The following ADAMTS3 variants were observed in gnomAD, a reference collection of about 807,000 sequenced individuals.
ADAMTS3 encodes the protein ADAM metallopeptidase with thrombospondin type 1 motif 3, also known as A disintegrin and metalloproteinase with thrombospondin motifs 3.
In ADAMTS3, 73 loss-of-function variants were observed where a neutral mutation model predicts 129.0. The observed-to-expected ratio is 0.57, with a 90% confidence interval of 0.47 to 0.69. The LOEUF (loss-of-function observed/expected upper bound fraction) is 0.69. ADAMTS3 is among the 30% of genes least tolerant of loss of function. The pLI, the probability that ADAMTS3 is intolerant of heterozygous loss-of-function variation, is 0.00. For missense variants in ADAMTS3, 1,457 were observed against 1,514.5 expected (o/e 0.96, Z 0.63); for synonymous variants, 477 against 510.8 (o/e 0.93, Z 0.89).
intron 4 of ADAMTS3, among the ~76,000 whole-genome samples, chr4:72,370,397 C>G (rs1482341392): frequency 1.4e-5 from 1 of 71,964 alleles, no homozygotes; most frequent in South Asian, 3.2e-4. Flanking sequence ...TTGCTTATTA[C>G]ATTAATCTGC....
At chr4:72,383,593 C>T (rs974895126) in intron 4 of ADAMTS3, among the ~76,000 whole-genome samples, 2 of 152,102 alleles carry the variant, frequency 1.3e-5, no homozygotes, top group African/African-American at 2.4e-5. Flanking sequence ...TATATGTGTT[C>T]GAGGCGGACT....
At position 72,567,380 on chromosome 4, in the gene ADAMTS3, G is replaced by C; in HGVS notation, c.91C>G (p.Gln31Glu). 6.2e-7 allele frequency: 1 copy of C among 1,612,054 alleles called. No individual in the cohort carries two copies. The highest frequency in any genetic ancestry group is 8.5e-7 in the Non-Finnish European group (1 of 1,179,366). The change falls in exon 2 of 22, where the codon CAA (glutamine) becomes GAA (glutamate). Residue 31 changes from glutamine (Q) to glutamate (E), a missense_variant. Transcript: ENST00000286657. ...ATCTGAGAACAAAGCTTACCTATTT[G>C]CACCATTTCTTCATTACCAGCCTGG... is the stretch of plus-strand genomic sequence containing the variant. ...DGQAGNEEMV[Q>E]IDLPIKRYRE...
At chr4:72,485,785 T>C (rs1719574977) in intron 3 of ADAMTS3, among the ~76,000 whole-genome samples, 1 of 152,120 alleles carries the variant, frequency 6.6e-6, no homozygotes, top group South Asian at 2.1e-4. Context: ...GTAATGAAAT[T>C]AAGAGGGGGG....
chr4:72,544,076 T>C (rs1721405298), intron 3 of ADAMTS3, among the ~76,000 whole-genome samples: 1 of 152,102 alleles, frequency 6.6e-6, no homozygotes, highest in African/African-American at 2.4e-5. Context: ...TTATGGAAGA[T>C]CTGAATCTGT....
chr4:72,410,933 G>T (rs926649714), intron 4 of ADAMTS3, among the ~76,000 whole-genome samples: 1 of 152,056 alleles, frequency 6.6e-6, no homozygotes, highest in African/African-American at 2.4e-5. Flanking sequence ...TGAAAAGGAT[G>T]CTATTCGTTT....
chr4:72,382,307 C>T (rs2109880739), intron 4 of ADAMTS3, among the ~76,000 whole-genome samples: 1 of 151,864 alleles, frequency 6.6e-6, no homozygotes, highest in East Asian at 1.9e-4. Context: ...CTAATGACTA[C>T]ATAGTAGTCA....
chr4:72,347,962 A>C (rs1389172485), intron 4 of ADAMTS3, among the ~76,000 whole-genome samples: 1 of 152,096 alleles, frequency 6.6e-6, no homozygotes, highest in Admixed American at 6.6e-5. Flanking sequence ...TCTTCACCTC[A>C]AACTTCTCCA....
At chr4:72,298,093 T>C (rs969296150) in intron 18 of ADAMTS3, 184 bp downstream of exon 18, 1 of 522,630 alleles carries the variant, frequency 1.9e-6, no homozygotes, top group Non-Finnish European at 3.4e-6. Flanking sequence ...GTCACTGTTA[T>C]GAAAGGAATC....
intron 3 of ADAMTS3, among the ~76,000 whole-genome samples, chr4:72,481,300 T>G (rs531642389): frequency 3.5e-4 from 54 of 152,152 alleles, no homozygotes; most frequent in Non-Finnish European, 7.5e-4. Context: ...ATTTCAAGAC[T>G]TTTACAGCTA....
chr4:72,325,196 A>G (rs890479856), intron 5 of ADAMTS3, among the ~76,000 whole-genome samples: 1 of 152,136 alleles, frequency 6.6e-6, no homozygotes, highest in Non-Finnish European at 1.5e-5. Flanking sequence ...ATAAAACTTA[A>G]AACCATTCAC....
intron 2 of ADAMTS3, among the ~76,000 whole-genome samples, chr4:72,557,582 C>A (rs1307493304): frequency 6.6e-6 from 1 of 151,310 alleles, no homozygotes; most frequent in Admixed American, 6.6e-5. Context: ...CTTTTTTATT[C>A]ATTATTAAGA....
intron 3 of ADAMTS3, among the ~76,000 whole-genome samples, chr4:72,430,437 A>T (rs148332435): frequency 5.3e-5 from 8 of 151,810 alleles, no homozygotes; most frequent in African/African-American, 1.7e-4. Context: ...CTTAGAATCA[A>T]CTCAGCCCAG....
At position 72,283,037 on chromosome 4, in the gene ADAMTS3, G is replaced by A. The variant is rs553986691; in HGVS notation, c.*99C>T. 6 of 1,025,858 alleles carry A rather than the reference G, an allele frequency of 5.8e-6. No individual in the cohort carries two copies. In the African/African-American group the frequency reaches 6.4e-5, roughly 11 times the overall value. 63.5% of individuals were successfully genotyped at this position (1,025,858 alleles called of 1,614,324 possible). A position where few individuals can be genotyped will look rare whatever the true frequency, so the allele number is the denominator to read the frequency against. ...CCAATTACAGATAAAATGAGCTGAC[G>A]ATCTATAGAGATTTCCACTTTAAAC... On this transcript the variant is annotated 3_prime_UTR_variant, in exon 22 of 22. Transcript: ENST00000286657.
chr4:72,443,138 C>T (rs1316696240), intron 3 of ADAMTS3, among the ~76,000 whole-genome samples: 1 of 151,568 alleles, frequency 6.6e-6, no homozygotes. Context: ...TAATTTAGTT[C>T]CCTGCCCATA....
chr4:72,480,588 T>C (rs1466452001), intron 3 of ADAMTS3, among the ~76,000 whole-genome samples: 2 of 151,904 alleles, frequency 1.3e-5, no homozygotes, highest in African/African-American at 4.8e-5. Flanking sequence ...GAGATATACC[T>C]AATGCTAAAT....
chr4:72,516,726 G>T (rs1038101122), intron 3 of ADAMTS3, among the ~76,000 whole-genome samples: 3 of 152,072 alleles, frequency 2.0e-5, no homozygotes, highest in African/African-American at 7.2e-5. Context: ...TCAGCTTAAG[G>T]AGATTTTGGG....
rs2109777383 is a variant in ADAMTS3, at chr4:72,540,614, G to A, written c.504+7864C>T. Among the ~76,000 whole-genome samples the A allele has an allele frequency of 2.0e-5, 3 of 152,282 alleles. No individual in the cohort carries two copies. In the Middle Eastern group the frequency reaches 0.01, roughly 518 times the overall value. On this transcript the variant is annotated intron_variant, in intron 3 of 21. Coordinates refer to ENST00000286657, the MANE Select transcript of ADAMTS3 (RefSeq NM_014243.3). ...CCATCACACACCCGGAGGTCTAGGA[G>A]GAAAACATGATTTCATGGGCCAGGC...
At chr4:72,416,361 T>C (rs1313903848) in intron 3 of ADAMTS3, among the ~76,000 whole-genome samples, 2 of 152,076 alleles carry the variant, frequency 1.3e-5, no homozygotes, top group Non-Finnish European at 2.9e-5. Flanking sequence ...TCTTAAAAGC[T>C]ATGCCATCTC....
chr4:72,533,202 A>T (rs549431236), intron 3 of ADAMTS3, among the ~76,000 whole-genome samples: 196 of 152,208 alleles, frequency 1.3e-3, no homozygotes, highest in African/African-American at 4.4e-3. Context: ...ATTTTAAATT[A>T]AAAAAATTGT....
Sources: gnomAD v4.1 joint callset for allele counts (sites outside exome capture counted in the v4.1 genomes callset) on GRCh38, gnomAD v4.1.1 for gene constraint, MANE v1.5 for transcripts, NCBI Gene and HGNC (gene_info 2026-07-23, HGNC 2026-07-21) for gene names.